UQCRC1: variants seen among roughly 807,000 people sequenced by gnomAD.
UQCRC1 encodes the protein ubiquinol-cytochrome c reductase core protein 1, also known as cytochrome b-c1 complex subunit 1, mitochondrial.
UQCRC1 carries 34 observed loss-of-function variants against 58.0 expected under a neutral mutation model. The ratio of observed to expected loss-of-function variants is 0.59; its 90% CI spans 0.45 to 0.78. UQCRC1 has a LOEUF of 0.78. UQCRC1 is among the 30% of genes least tolerant of loss of function. The pLI is 0.00. For missense variants in UQCRC1, 610 were observed against 646.0 expected (o/e 0.94, Z 0.60); for synonymous variants, 276 against 248.8 (o/e 1.11, Z -1.03).
At chr3:48,609,502 C>G (rs1333863593) in intron 1 of UQCRC1, 50 bp downstream of exon 1, 1 of 1,539,090 alleles carries the variant, frequency 6.5e-7, no homozygotes, top group African/African-American at 1.4e-5. Context: ...CACACCTGTC[C>G]GCTTCCCGAA....
At chr3:48,609,104 G>A (rs1049732910) in intron 2 of UQCRC1, 58 bp downstream of exon 2, 1 of 1,560,998 alleles carries the variant, frequency 6.4e-7, no homozygotes, top group Non-Finnish European at 8.7e-7. Context: ...ACCCCAACCA[G>A]GGAAAAGACG....
chr3:48,605,199 G>A (rs141371969), intron 3 of UQCRC1, among the ~76,000 whole-genome samples: 108 of 152,294 alleles, frequency 7.1e-4, no homozygotes, highest in African/African-American at 2.6e-3. Context: ...GTGAATACAT[G>A]CTAGTGGCCT....
chr3:48,602,053 C>CTTT (rs35090371), intron 6 of UQCRC1, among the ~76,000 whole-genome samples: 1 of 140,702 alleles, frequency 7.1e-6, no homozygotes, highest in East Asian at 2.0e-4. Context: ...TTGCATTGGC[C>CTTT]TTTTTTTTTT....
At chr3:48,605,941 GC>G in intron 2 of UQCRC1, 85 bp from the exon 3 acceptor site, 1 of 1,327,474 alleles carries the variant, frequency 7.5e-7, no homozygotes, top group Non-Finnish European at 1.0e-6. Context: ...CTCAGTACAA[GC>G]CCCAGGCAGG....
Position 48,609,615 on chromosome 3 carries a change from C to A in UQCRC1, c.6G>T (p.Ala2=). M[A]ASVVCRAATA... ...TAGCGGCCCGACAGACCACGGACGC[C>A]GCCATCTTCCAGCTGCAGTCGGCCC... Residue 2 remains alanine (A), a synonymous_variant, in exon 1 of 13, where the codon GCG becomes GCT. Transcript: ENST00000203407. 1 of 1,567,664 alleles carries A rather than the reference C, an allele frequency of 6.4e-7. No individual in the cohort carries two copies. Among genetic ancestry groups the A allele is most frequent in the East Asian group, 2.4e-5 (1 of 42,470 alleles).
At chr3:48,606,599 T>A (rs2107847578) in intron 2 of UQCRC1, among the ~76,000 whole-genome samples, 1 of 152,114 alleles carries the variant, frequency 6.6e-6, no homozygotes, top group African/African-American at 2.4e-5. Context: ...ATACAAAAAT[T>A]AGCCAGGTGT....
Position 48,601,556 on chromosome 3 carries a change from C to G in UQCRC1, c.707-89G>C, listed in dbSNP as rs1351659442. 4.1e-6 allele frequency: 5 copies of G among 1,222,762 alleles called. No homozygotes were observed. In the Admixed American group the frequency reaches 9.9e-5, roughly 24 times the overall value. 75.7% of individuals were successfully genotyped at this position (1,222,762 alleles called of 1,614,324 possible). Reference sequence around the variant, plus strand: ...ACAGACAGGCAGAGGACCCCCATGTCCTGTCTTAGTGGGAGAAACCAGGAG... The same window carrying G: ...ACAGACAGGCAGAGGACCCCCATGTGCTGTCTTAGTGGGAGAAACCAGGAG... On this transcript the variant is annotated intron_variant, in intron 6 of 12. Transcript: ENST00000203407.
chr3:48,600,845 CA>C lies in UQCRC1; in HGVS notation c.967-6del. The C allele has an allele frequency of 6.2e-7, 1 of 1,613,832 alleles. No homozygotes were observed. The highest frequency in any genetic ancestry group is 1.1e-5 in the South Asian group (1 of 91,078). On this transcript the variant is annotated splice_region_variant and splice_polypyrimidine_tract_variant and intron_variant, in intron 8 of 12. Coordinates refer to ENST00000203407, the MANE Select transcript of UQCRC1 (RefSeq NM_003365.3). ...AGCCAGTGGGCTGGACAGGTGCTGC[CA>C]GGGGGATAGGTGGTCAGCACCCACC...
chr3:48,605,620 G>A (rs1303174550), intron 3 of UQCRC1, 150 bp downstream of exon 3: 3 of 754,644 alleles, frequency 4.0e-6, no homozygotes, highest in Admixed American at 5.3e-5. Context: ...CTCAGGAGAG[G>A]TTAAGCTCAT....
chr3:48,609,608 C>G lies in UQCRC1; in HGVS notation c.13G>C (p.Val5Leu). The change falls in exon 1 of 13, where the codon GTG becomes CTG. Residue 5 changes from valine (V) to leucine (L), a missense_variant. Transcript: ENST00000203407. The part of the protein sequence containing the change: MAAS[V>L]VCRAATAGAQ... Reference sequence around the variant, plus strand: ...CCGGCGGTAGCGGCCCGACAGACCACGGACGCCGCCATCTTCCAGCTGCAG... The same window carrying G: ...CCGGCGGTAGCGGCCCGACAGACCAGGGACGCCGCCATCTTCCAGCTGCAG... 1.3e-6 allele frequency: 2 copies of G among 1,568,444 alleles called. No individual in the cohort carries two copies. The highest frequency in any genetic ancestry group is 1.7e-6 in the Non-Finnish European group (2 of 1,160,948).
rs754870725 is a variant in UQCRC1 at position 48,600,992 on chromosome 3, T to C, written c.949A>G (p.Thr317Ala). The change falls in exon 8 of 13, where the codon ACT (threonine) becomes GCT (alanine). Residue 317 changes from threonine to alanine, a missense_variant. Thr to Ala is a moderately conservative substitution (Grantham distance 58). Transcript: ENST00000203407. ...GCACTCACCACGCCACCACCATAAGTGCAGTCATAGTGGCCGATGATGGCA... is the reference window on the plus strand; with the variant it reads ...GCACTCACCACGCCACCACCATAAGCGCAGTCATAGTGGCCGATGATGGCA... ...ANAIIGHYDC[T>A]YGGGVHLSSP... 5 of 1,605,824 alleles carry C rather than the reference T, an allele frequency of 3.1e-6. No homozygotes were observed. The African/African-American group carries it at 5.3e-5, about 17-fold the overall frequency.
chr3:48,604,449 A>G lies in UQCRC1; in HGVS notation c.428-18T>C, dbSNP rs2046393533. On this transcript the variant is annotated intron_variant, in intron 4 of 12. Coordinates refer to ENST00000203407, the MANE Select transcript of UQCRC1 (RefSeq NM_003365.3). ...CTCCACAGCTAGATGCAAGGAGGAC[A>G]TGTTTAGGTGCCAGGTGGACCACTG... 1 of 1,612,530 alleles carries G rather than the reference A, an allele frequency of 6.2e-7. No individual in the cohort carries two copies. Among genetic ancestry groups the G allele is most frequent in the Non-Finnish European group, 8.5e-7 (1 of 1,179,170 alleles).
chr3:48,601,198 G>A (rs1482023343), intron 7 of UQCRC1, 80 bp from the exon 8 acceptor site: 4 of 1,551,148 alleles, frequency 2.6e-6, no homozygotes, highest in South Asian at 2.4e-5. Flanking sequence ...GGTAGAGGGT[G>A]TATGTGTGTG....
rs745399167 is a variant in UQCRC1 at position 48,599,668 on chromosome 3, T to C, written c.1345A>G (p.Ile449Val). 1.2e-6 allele frequency: 2 copies of C among 1,613,774 alleles called. No homozygotes were observed. Among genetic ancestry groups the C allele is most frequent in the African/African-American group, 2.7e-5 (2 of 74,910 alleles). Residue 449 changes from isoleucine (I) to valine (V), a missense_variant, in exon 12 of 13, where the codon ATC (isoleucine) becomes GTC (valine). By Grantham distance (29) the Ile-to-Val change is conservative. Transcript: ENST00000203407. Reference sequence around the variant, plus strand: ...GCCACTGCTGGGCACTGGTCATAGATGTACTTGGAGCAGATCTCACGTACC... The same window carrying C: ...GCCACTGCTGGGCACTGGTCATAGACGTACTTGGAGCAGATCTCACGTACC... ...SVVREICSKYIYDQCPAVAGY... is the reference protein window; with the variant it reads ...SVVREICSKYVYDQCPAVAGY...
chr3:48,600,908 A>G, intron 8 of UQCRC1, 67 bp downstream of exon 8: 1 of 1,608,756 alleles, frequency 6.2e-7, no homozygotes, highest in Non-Finnish European at 8.5e-7. Flanking sequence ...CCCCACGCAC[A>G]GGAGCACACA....
chr3:48,604,245 C>A lies in UQCRC1; in HGVS notation c.614G>T (p.Ser205Ile). Residue 205 changes from serine (S) to isoleucine (I), a missense_variant, in exon 5 of 13, where the codon AGT becomes ATT. Transcript: ENST00000203407. ...TPLAQAVEGP[S>I]ENVRKLSRAD... Reference sequence around the variant, plus strand: ...AGCCAACTCTCACCTGACATTCTCACTGGGCCCCTCCACAGCCTGGGCTAG... The same window carrying A: ...AGCCAACTCTCACCTGACATTCTCAATGGGCCCCTCCACAGCCTGGGCTAG... The A allele has an allele frequency of 6.2e-7, 1 of 1,612,654 alleles. No individual in the cohort carries two copies. Among genetic ancestry groups the A allele is most frequent in the Non-Finnish European group, 8.5e-7 (1 of 1,180,000 alleles).
intron 5 of UQCRC1, 96 bp from the exon 6 acceptor site, chr3:48,603,739 G>C (rs954128005): frequency 3.9e-5 from 45 of 1,155,564 alleles, no homozygotes; most frequent in Non-Finnish European, 5.2e-5. Flanking sequence ...ACTAGGAGAG[G>C]CATGGTTTCT....
At position 48,600,516 on chromosome 3, in the gene UQCRC1, G is replaced by A. The variant is rs1207546182; in HGVS notation, c.1179C>T (p.Asn393=). The change falls in exon 10 of 13, where the codon AAC becomes AAT. Residue 393 remains asparagine (N), a synonymous_variant. Transcript: ENST00000203407. ...ATESEVARGK[N]ILRNALVSHL... Reference sequence around the variant, plus strand: ...GAGATACCAGGGCATTTCTGAGGATGTTTTTGCCCCGGGCCACCTCACTCT... The same window carrying A: ...GAGATACCAGGGCATTTCTGAGGATATTTTTGCCCCGGGCCACCTCACTCT... The A allele has an allele frequency of 1.2e-6, 2 of 1,614,130 alleles. No homozygotes were observed. The highest frequency in any genetic ancestry group is 1.7e-5 in the Admixed American group (1 of 60,014).
chr3:48,605,474 G>A (rs1318436310), intron 3 of UQCRC1, among the ~76,000 whole-genome samples: 1 of 152,220 alleles, frequency 6.6e-6, no homozygotes, highest in African/African-American at 2.4e-5. Flanking sequence ...ATGTCTGTGG[G>A]TTTGTTAAAA....
Sources: gnomAD v4.1 joint callset for allele counts (sites outside exome capture counted in the v4.1 genomes callset) on GRCh38, gnomAD v4.1.1 for gene constraint, MANE v1.5 for transcripts, NCBI Gene and HGNC (gene_info 2026-07-23, HGNC 2026-07-21) for gene names.